The following CNOT4 variants were observed in gnomAD, a reference collection of about 807,000 sequenced individuals.
CNOT4 encodes the protein CCR4-NOT transcription complex subunit 4.
CNOT4 carries 8 observed loss-of-function variants against 73.8 expected under a neutral mutation model. The observed-to-expected ratio is 0.11, with a 90% confidence interval of 0.06 to 0.20. The LOEUF (loss-of-function observed/expected upper bound fraction) is 0.20. Among genes scored for constraint, CNOT4 ranks in the 10% least tolerant of loss-of-function variants. The pLI is 1.00. For synonymous variants in CNOT4, 293 were observed against 321.1 expected, an observed-to-expected ratio of 0.91 and a Z score of 0.94; for missense variants, 564 against 883.4, an observed-to-expected ratio of 0.64 and a Z score of 4.58.
intron 1 of CNOT4, among the ~76,000 whole-genome samples, chr7:135,503,398 G>A (rs1804131226): frequency 6.6e-6 from 1 of 151,850 alleles, no homozygotes; most frequent in Admixed American, 6.6e-5. Flanking sequence ...AGGAGTTCAA[G>A]GCTACAATGA....
intron 10 of CNOT4, among the ~76,000 whole-genome samples, chr7:135,367,059 T>C (rs557209896): frequency 1.3e-5 from 2 of 152,228 alleles, no homozygotes; most frequent in East Asian, 1.9e-4. Context: ...CTAAGCACTG[T>C]GGGAGGTTTA....
chr7:135,442,084 T>A (rs1455486875), intron 1 of CNOT4, among the ~76,000 whole-genome samples: 1 of 152,196 alleles, frequency 6.6e-6, no homozygotes, highest in African/African-American at 2.4e-5. Flanking sequence ...TGATCTTGGA[T>A]AAGAAATCCA....
chr7:135,397,407 A>G (rs1463374904), intron 8 of CNOT4, among the ~76,000 whole-genome samples: 1 of 152,174 alleles, frequency 6.6e-6, no homozygotes, highest in Non-Finnish European at 1.5e-5. Context: ...GGGCAACTAA[A>G]ATACACAAGG....
chr7:135,464,213 T>C (rs1204971094), intron 1 of CNOT4, among the ~76,000 whole-genome samples: 1 of 152,074 alleles, frequency 6.6e-6, no homozygotes. Flanking sequence ...TATAAATCAT[T>C]CTACCATAAA....
rs1376521200 is a variant in CNOT4 at position 135,442,057 on chromosome 7, T to C, written c.-92-3634A>G. Among the ~76,000 whole-genome samples, 3 of 152,210 alleles carry C rather than the reference T, an allele frequency of 2.0e-5. No homozygotes were observed. In the East Asian group the frequency reaches 5.8e-4, roughly 29 times the overall value. On this transcript the variant is annotated intron_variant, in intron 1 of 11. Coordinates refer to ENST00000541284, the MANE Select transcript of CNOT4 (RefSeq NM_001190850.2). ...TCAAAGAGTTGACTGACTCACCTCT[T>C]TCACAAAGTAACTATATGATCTTGG...
At chr7:135,377,555 C>CT (rs922503585) in intron 10 of CNOT4, among the ~76,000 whole-genome samples, 1 of 152,054 alleles carries the variant, frequency 6.6e-6, no homozygotes, top group Non-Finnish European at 1.5e-5. Context: ...GAAATACAAA[C>CT]TTTTTTTGTT....
At chr7:135,482,626 G>C (rs191679084) in intron 1 of CNOT4, among the ~76,000 whole-genome samples, 3 of 150,424 alleles carry the variant, frequency 2.0e-5, no homozygotes, top group African/African-American at 7.3e-5. Context: ...ACAAAAAAAG[G>C]AAAAAAAAGA....
At chr7:135,442,596 G>A (rs553053858) in intron 1 of CNOT4, among the ~76,000 whole-genome samples, 31 of 151,996 alleles carry the variant, frequency 2.0e-4, no homozygotes, top group African/African-American at 3.4e-4. Flanking sequence ...CAAAAACTTC[G>A]TTTCAAAAAT....
intron 2 of CNOT4, among the ~76,000 whole-genome samples, chr7:135,431,593 A>C (rs1348307898): frequency 2.6e-5 from 4 of 152,174 alleles, no homozygotes; most frequent in African/African-American, 9.6e-5. Context: ...AATACAAAAA[A>C]TTAGCCAGGT....
At chr7:135,440,080 A>G (rs1799384607) in intron 1 of CNOT4, among the ~76,000 whole-genome samples, 1 of 152,030 alleles carries the variant, frequency 6.6e-6, no homozygotes, top group Admixed American at 6.5e-5. Flanking sequence ...GAGACAATCA[A>G]CTTAGCAACA....
At chr7:135,435,723 T>C (rs1391183151) in intron 2 of CNOT4, among the ~76,000 whole-genome samples, 1 of 152,218 alleles carries the variant, frequency 6.6e-6, no homozygotes, top group East Asian at 1.9e-4. Flanking sequence ...GTGAGAATCC[T>C]GGTAATCTGC....
intron 2 of CNOT4, among the ~76,000 whole-genome samples, chr7:135,433,076 G>A (rs571489089): frequency 1.3e-5 from 2 of 152,242 alleles, no homozygotes; most frequent in South Asian, 4.1e-4. Context: ...ATTCTTGGAT[G>A]ATTACTTCCC....
At chr7:135,475,046 G>A (rs187796385) in intron 1 of CNOT4, among the ~76,000 whole-genome samples, 1 of 152,178 alleles carries the variant, frequency 6.6e-6, no homozygotes, top group African/African-American at 2.4e-5. Context: ...GTTTAAGGCA[G>A]TGTAAAGATC....
chr7:135,407,322 G>T (rs970282237), intron 7 of CNOT4, among the ~76,000 whole-genome samples: 1 of 152,106 alleles, frequency 6.6e-6, no homozygotes, highest in Non-Finnish European at 1.5e-5. Flanking sequence ...CTAACTACTT[G>T]TTATAAATGC....
chr7:135,444,002 T>C (rs1332715423), intron 1 of CNOT4, among the ~76,000 whole-genome samples: 1 of 151,834 alleles, frequency 6.6e-6, no homozygotes, highest in African/African-American at 2.4e-5. Context: ...GAGCCGGGTG[T>C]GGTAGTGCAC....
intron 6 of CNOT4, 134 bp from the exon 7 acceptor site, chr7:135,410,782 A>G: frequency 1.8e-6 from 1 of 557,808 alleles, no homozygotes; most frequent in Admixed American, 5.2e-5. Context: ...ATATTAAATA[A>G]ATTTTAAATA....
At chr7:135,491,214 G>A (rs1317007734) in intron 1 of CNOT4, among the ~76,000 whole-genome samples, 2 of 152,116 alleles carry the variant, frequency 1.3e-5, no homozygotes, top group African/African-American at 4.8e-5. Context: ...AAGGAGTTAC[G>A]GAGAGAGATC....
intron 10 of CNOT4, among the ~76,000 whole-genome samples, chr7:135,369,217 A>T (rs1055361291): frequency 2.0e-5 from 3 of 152,218 alleles, no homozygotes; most frequent in Admixed American, 6.5e-5. Context: ...ATGACAACAT[A>T]GTGAGATAAA....
intron 7 of CNOT4, among the ~76,000 whole-genome samples, chr7:135,404,409 A>G (rs1208663468): frequency 6.6e-6 from 1 of 152,114 alleles, no homozygotes; most frequent in Non-Finnish European, 1.5e-5. Context: ...CTCTACACCA[A>G]TATTTAATTG....
Sources: gnomAD v4.1 joint callset for allele counts (sites outside exome capture counted in the v4.1 genomes callset) on GRCh38, gnomAD v4.1.1 for gene constraint, MANE v1.5 for transcripts, NCBI Gene and HGNC (gene_info 2026-07-23, HGNC 2026-07-21) for gene names.